VAV2: variants seen among roughly 807,000 people sequenced by gnomAD.
VAV2 encodes guanine nucleotide exchange factor VAV2.
Under a neutral mutation model 132.5 loss-of-function variants are expected in VAV2, and 67 were observed. The observed-to-expected ratio is 0.51, with a 90% confidence interval of 0.42 to 0.62. The LOEUF (loss-of-function observed/expected upper bound fraction) is 0.62, where lower values mean the gene tolerates loss of function less well. VAV2 is among the 20% of genes least tolerant of loss of function. The pLI, the probability that VAV2 is intolerant of heterozygous loss-of-function variation, is 0.00. For synonymous variants in VAV2, 492 were observed against 443.5 expected, an observed-to-expected ratio of 1.11 and a Z score of -1.37; for missense variants, 938 against 1,153.6, an observed-to-expected ratio of 0.81 and a Z score of 2.71.
intron 1 of VAV2, among the ~76,000 whole-genome samples, chr9:133,960,546 G>A (rs973517389): frequency 3.9e-5 from 6 of 152,198 alleles, no homozygotes; most frequent in African/African-American, 1.2e-4. Flanking sequence ...GCTTAATAGC[G>A]GCCGCCAATT....
At chr9:133,861,560 C>A in intron 2 of VAV2, 128 bp from the exon 3 acceptor site, 1 of 979,822 alleles carries the variant, frequency 1.0e-6, no homozygotes, top group Non-Finnish European at 1.5e-6. Flanking sequence ...GGGTAAGAAA[C>A]ACGGCATAGC....
chr9:133,988,178 G>C (rs939783386), intron 1 of VAV2, among the ~76,000 whole-genome samples: 1 of 152,116 alleles, frequency 6.6e-6, no homozygotes, highest in Non-Finnish European at 1.5e-5. Context: ...ACTCCCCGCC[G>C]TGTGCGCTCG....
chr9:133,872,720 G>A (rs1838107565), intron 2 of VAV2, among the ~76,000 whole-genome samples: 1 of 152,096 alleles, frequency 6.6e-6, no homozygotes, highest in Non-Finnish European at 1.5e-5. Flanking sequence ...TGGAGTATCC[G>A]GGGCAGCACG....
chr9:133,977,175 C>G (rs954747528), intron 1 of VAV2, among the ~76,000 whole-genome samples: 1 of 152,334 alleles, frequency 6.6e-6, no homozygotes, highest in African/African-American at 2.4e-5. Flanking sequence ...GGACTTCAGG[C>G]AGAGTGAGGC....
At chr9:133,811,921 G>C (rs1835372101) in intron 5 of VAV2, among the ~76,000 whole-genome samples, 193 bp downstream of exon 5, 1 of 152,204 alleles carries the variant, frequency 6.6e-6, no homozygotes, top group South Asian at 2.1e-4. Context: ...GGGTTTCCAA[G>C]GATGCTCCTC....
At chr9:133,958,787 G>GCATT (rs1183956936) in intron 1 of VAV2, among the ~76,000 whole-genome samples, 2 of 152,314 alleles carry the variant, frequency 1.3e-5, no homozygotes, top group Admixed American at 1.3e-4. Context: ...ATCACCACCT[G>GCATT]CATTCATCCA....
intron 1 of VAV2, among the ~76,000 whole-genome samples, chr9:133,956,887 G>T (rs969167402): frequency 6.6e-6 from 1 of 152,206 alleles, no homozygotes; most frequent in Admixed American, 6.5e-5. Flanking sequence ...CAGGAAACCC[G>T]GCCGTCCTCA....
chr9:133,956,203 A>G (rs1841773751), intron 1 of VAV2, among the ~76,000 whole-genome samples: 1 of 151,926 alleles, frequency 6.6e-6, no homozygotes, highest in African/African-American at 2.4e-5. Context: ...GAGGGAGGGA[A>G]GGGGGTTCTG....
intron 1 of VAV2, among the ~76,000 whole-genome samples, chr9:133,959,396 C>T (rs558748112): frequency 6.6e-6 from 1 of 152,300 alleles, no homozygotes; most frequent in South Asian, 2.1e-4. Context: ...CCCTCTGCGC[C>T]AGACTGCTCC....
At chr9:133,868,302 G>A (rs1313119783) in intron 2 of VAV2, among the ~76,000 whole-genome samples, 1 of 152,254 alleles carries the variant, frequency 6.6e-6, no homozygotes, top group African/African-American at 2.4e-5. Flanking sequence ...GGTGGGGCGC[G>A]GTGGGGAGAA....
intron 1 of VAV2, among the ~76,000 whole-genome samples, chr9:133,943,823 A>C (rs1403541002): frequency 6.6e-6 from 1 of 152,222 alleles, no homozygotes; most frequent in Non-Finnish European, 1.5e-5. Context: ...TGGAAACGTC[A>C]GCCCCTTTCT....
At chr9:133,915,894 C>T (rs528272603) in intron 2 of VAV2, among the ~76,000 whole-genome samples, 29 of 150,190 alleles carry the variant, frequency 1.9e-4, no homozygotes, top group African/African-American at 6.0e-4. Context: ...TGCACACTCA[C>T]ACACGATGCA....
At chr9:133,799,981 C>G (rs776321264) in intron 9 of VAV2, among the ~76,000 whole-genome samples, 1 of 152,218 alleles carries the variant, frequency 6.6e-6, no homozygotes, top group Non-Finnish European at 1.5e-5. Flanking sequence ...GCAGAAGACA[C>G]GCCACACACA....
At chr9:133,923,141 G>C (rs1182268031) in intron 2 of VAV2, among the ~76,000 whole-genome samples, 1 of 152,208 alleles carries the variant, frequency 6.6e-6, no homozygotes, top group Non-Finnish European at 1.5e-5. Flanking sequence ...ACCACAATGA[G>C]CTTCAGACCT....
At chr9:133,908,745 AC>A (rs1437538734) in intron 2 of VAV2, among the ~76,000 whole-genome samples, 1 of 152,196 alleles carries the variant, frequency 6.6e-6, no homozygotes, top group Non-Finnish European at 1.5e-5. Flanking sequence ...CCAGCGCTGC[AC>A]CCCTCTGAGG....
chr9:133,975,552 T>G (rs937126194), intron 1 of VAV2, among the ~76,000 whole-genome samples: 2 of 152,136 alleles, frequency 1.3e-5, no homozygotes, highest in Non-Finnish European at 2.9e-5. Flanking sequence ...AGTTTACAGA[T>G]AAGGAAACTG....
chr9:133,992,301 T>C lies in VAV2; in HGVS notation c.-23A>G, dbSNP rs570014563. ...CATGGCGCCCGCGGGCCCGACCGGC[T>C]CAGGGCAGTGCTCGAGCCAAAGTGC... On this transcript the variant is annotated 5_prime_UTR_variant, in exon 1 of 30. Coordinates refer to ENST00000371850, the MANE Select transcript of VAV2 (RefSeq NM_001134398.2). The surrounding 1 kb of genome is among the most constrained non-coding windows in gnomAD (Gnocchi z 5.5). 7.0e-7 allele frequency: 1 copy of C among 1,422,368 alleles called. No homozygotes were observed. Among genetic ancestry groups the C allele is most frequent in the South Asian group, 1.5e-5 (1 of 68,414 alleles). 88.1% of individuals were successfully genotyped at this position (1,422,368 alleles called of 1,614,324 possible).
chr9:133,791,491 G>C (rs544585668), intron 13 of VAV2, among the ~76,000 whole-genome samples: 5 of 152,278 alleles, frequency 3.3e-5, no homozygotes, highest in East Asian at 1.9e-4. Flanking sequence ...GGGGGAGAAG[G>C]GGGGCTGGGC....
At chr9:133,987,782 G>A (rs1048181849) in intron 1 of VAV2, among the ~76,000 whole-genome samples, 11 of 152,194 alleles carry the variant, frequency 7.2e-5, no homozygotes, top group African/African-American at 1.2e-4. Flanking sequence ...CCGATTTCTC[G>A]TTAGGGTCAG....
Sources: allele counts gnomAD v4.1 joint callset (sites outside exome capture counted in the v4.1 genomes callset), GRCh38; gene constraint gnomAD v4.1.1; non-coding constraint Gnocchi (gnomAD v3.1); transcripts MANE v1.5; gene names NCBI Gene and HGNC (gene_info 2026-07-23, HGNC 2026-07-21).